EHBP1: variants seen among roughly 807,000 people sequenced by gnomAD.
EHBP1 encodes the protein EH domain binding protein 1.
Under a neutral mutation model 144.0 loss-of-function variants are expected in EHBP1, and 55 were observed. The ratio of observed to expected loss-of-function variants is 0.38; its 90% CI spans 0.31 to 0.48. The LOEUF is 0.48. Ranked by LOEUF, EHBP1 falls within the 20% of genes least tolerant of loss-of-function variation. The probability of loss-of-function intolerance (pLI) is 0.98; values close to 1 mark genes in which losing one functional copy is unlikely to be tolerated. For synonymous variants in EHBP1, 469 were observed against 472.7 expected (o/e 0.99, Z 0.10); for missense variants, 1,200 against 1,364.2 (o/e 0.88, Z 1.90).
At chr2:62,839,834 A>G (rs2047647370) in intron 7 of EHBP1, among the ~76,000 whole-genome samples, 1 of 152,184 alleles carries the variant, frequency 6.6e-6, no homozygotes, top group African/African-American at 2.4e-5. Flanking sequence ...CAAGGAAATA[A>G]AAGAGGATAC....
At chr2:62,993,501 T>C (rs367556943) in intron 16 of EHBP1, 29 bp from the exon 17 acceptor site, 7 of 1,470,402 alleles carry the variant, frequency 4.8e-6, no homozygotes, top group African/African-American at 4.2e-5. Flanking sequence ...AGATCAGGAC[T>C]CTCTTACCAT....
intron 6 of EHBP1, among the ~76,000 whole-genome samples, chr2:62,829,392 TTATA>T (rs2046612328): frequency 6.6e-6 from 1 of 151,696 alleles, no homozygotes; most frequent in African/African-American, 2.4e-5. Flanking sequence ...CCAAAGTCCA[TTATA>T]TTACTCTTAG....
At chr2:62,815,801 A>G (rs1411956196) in intron 5 of EHBP1, among the ~76,000 whole-genome samples, 1 of 152,206 alleles carries the variant, frequency 6.6e-6, no homozygotes, top group Non-Finnish European at 1.5e-5. Flanking sequence ...GGAATAGGTG[A>G]AGATATAAAC....
intron 2 of EHBP1, among the ~76,000 whole-genome samples, chr2:62,711,119 G>A (rs1045080376): frequency 6.6e-6 from 1 of 152,098 alleles, no homozygotes; most frequent in African/African-American, 2.4e-5. Flanking sequence ...CAGAGTAGTA[G>A]GTGGTGAGAA....
chr2:62,892,457 G>A (rs1302057276), intron 10 of EHBP1, among the ~76,000 whole-genome samples: 2 of 151,912 alleles, frequency 1.3e-5, no homozygotes, highest in African/African-American at 2.4e-5. Flanking sequence ...ATTCTTTAAT[G>A]TTTTCACAGC....
chr2:62,723,672 G>C (rs1313121133), intron 2 of EHBP1, among the ~76,000 whole-genome samples: 2 of 152,082 alleles, frequency 1.3e-5, no homozygotes, highest in Non-Finnish European at 2.9e-5. Context: ...AGGCAGATCT[G>C]GTGATAATTA....
intron 3 of EHBP1, among the ~76,000 whole-genome samples, chr2:62,760,085 A>T (rs1242776047): frequency 6.6e-6 from 1 of 152,132 alleles, no homozygotes; most frequent in African/African-American, 2.4e-5. Flanking sequence ...CATATGTGAA[A>T]AGTCAGCCCT....
intron 2 of EHBP1, among the ~76,000 whole-genome samples, chr2:62,729,382 T>C (rs1462479673): frequency 4.2e-5 from 5 of 120,024 alleles, no homozygotes; most frequent in Non-Finnish European, 8.2e-5. Context: ...TAATAATAAA[T>C]ATCATATTTA....
chr2:62,946,804 G>C (rs1288479357), intron 12 of EHBP1, among the ~76,000 whole-genome samples: 3 of 152,096 alleles, frequency 2.0e-5, no homozygotes, highest in African/African-American at 7.2e-5. Context: ...AACCTAGTTT[G>C]TTTTTAAATG....
At chr2:62,765,066 G>T (rs1350824779) in intron 4 of EHBP1, among the ~76,000 whole-genome samples, 1 of 151,930 alleles carries the variant, frequency 6.6e-6, no homozygotes. Context: ...TCTCTTTAGT[G>T]CAGTGCTAAG....
intron 10 of EHBP1, among the ~76,000 whole-genome samples, chr2:62,930,647 C>T (rs1019685857): frequency 2.0e-5 from 3 of 152,110 alleles, no homozygotes; most frequent in Admixed American, 2.0e-4. Context: ...CTACAGTAAT[C>T]AAGACAGTAT....
intron 8 of EHBP1, among the ~76,000 whole-genome samples, chr2:62,861,877 A>G (rs1254992912): frequency 6.6e-6 from 1 of 152,030 alleles, no homozygotes; most frequent in East Asian, 1.9e-4. Context: ...ATTTGCTTGG[A>G]TTAATTTTTG....
chr2:62,760,811 A>G (rs2040709765), intron 3 of EHBP1, among the ~76,000 whole-genome samples: 1 of 152,208 alleles, frequency 6.6e-6, no homozygotes, highest in Non-Finnish European at 1.5e-5. Flanking sequence ...GAGTTCATGC[A>G]AACCATTTAC....
At chr2:62,895,311 CATCA>C (rs2052813569) in intron 10 of EHBP1, among the ~76,000 whole-genome samples, 10 of 151,848 alleles carry the variant, frequency 6.6e-5, no homozygotes, top group African/African-American at 2.2e-4. Flanking sequence ...TCATCATCAT[CATCA>C]TCATCGCTGC....
chr2:62,746,849 T>G (rs781141768), intron 2 of EHBP1, among the ~76,000 whole-genome samples: 9 of 152,112 alleles, frequency 5.9e-5, no homozygotes, highest in Non-Finnish European at 1.2e-4. Context: ...TCTTTTAAGC[T>G]TAACTAAAAT....
intron 15 of EHBP1, 71 bp from the exon 16 acceptor site, chr2:62,990,645 A>C (rs1299060180): frequency 6.1e-6 from 9 of 1,478,350 alleles, no homozygotes. Context: ...TTCTGAGCTC[A>C]CATAAAATTG....
intron 1 of EHBP1, among the ~76,000 whole-genome samples, chr2:62,693,942 ATC>A (rs1446438906): frequency 6.6e-6 from 1 of 152,116 alleles, no homozygotes; most frequent in African/African-American, 2.4e-5. Context: ...AGTCCAGTTT[ATC>A]TGTTTTTTTC....
At chr2:62,841,295 T>A (rs1157816052) in intron 7 of EHBP1, among the ~76,000 whole-genome samples, 1 of 133,804 alleles carries the variant, frequency 7.5e-6, no homozygotes, top group African/African-American at 2.9e-5. Flanking sequence ...AACAATGAGA[T>A]CACATGGACA....
chr2:62,849,790 G>A (rs961996570), intron 7 of EHBP1, among the ~76,000 whole-genome samples: 2 of 152,216 alleles, frequency 1.3e-5, no homozygotes, highest in East Asian at 1.9e-4. Context: ...ACATGACATA[G>A]TAGCACAGCT....
Sources: allele counts gnomAD v4.1 joint callset (sites outside exome capture counted in the v4.1 genomes callset), GRCh38; gene constraint gnomAD v4.1.1; transcripts MANE v1.5; gene names NCBI Gene and HGNC (gene_info 2026-07-23, HGNC 2026-07-21).